The following MYCBP2 variants were observed in gnomAD, a reference collection of about 807,000 sequenced individuals.
MYCBP2 encodes MYC binding protein 2, also known as E3 ubiquitin-protein ligase MYCBP2.
A neutral mutation model predicts 525.3 loss-of-function variants in MYCBP2; 120 were observed. That is an observed-to-expected ratio of 0.23 (90% confidence interval 0.20 to 0.27). MYCBP2 has a LOEUF of 0.27. Ranked by LOEUF, MYCBP2 falls within the 10% of genes least tolerant of loss-of-function variation. The probability of loss-of-function intolerance (pLI) is 1.00; values close to 1 mark genes in which losing one functional copy is unlikely to be tolerated. For missense variants in MYCBP2, 4,149 were observed against 5,657.1 expected (o/e 0.73, Z 8.55); for synonymous variants, 1,894 against 1,955.8 (o/e 0.97, Z 0.83).
chr13:77,301,363 C>T (rs1018472610), intron 1 of MYCBP2, among the ~76,000 whole-genome samples: 5 of 143,926 alleles, frequency 3.5e-5, no homozygotes, highest in Non-Finnish European at 7.4e-5. Context: ...TTGTGACGAG[C>T]CAAGAGCCAA....
At chr13:77,322,858 C>T (rs1156966847) in intron 1 of MYCBP2, among the ~76,000 whole-genome samples, 3 of 152,178 alleles carry the variant, frequency 2.0e-5, no homozygotes, top group East Asian at 1.9e-4. Flanking sequence ...CTTTCCCCAA[C>T]AGAATGTTCC....
chr13:77,260,053 T>A (rs1411856673), intron 13 of MYCBP2, among the ~76,000 whole-genome samples: 1 of 152,132 alleles, frequency 6.6e-6, no homozygotes, highest in Non-Finnish European at 1.5e-5. Flanking sequence ...CCAAACACCC[T>A]AATGGGGGAG....
intron 74 of MYCBP2, 125 bp from the exon 75 acceptor site, chr13:77,061,915 G>A (rs2039367672): frequency 1.0e-6 from 1 of 998,378 alleles, no homozygotes; most frequent in African/African-American, 1.7e-5. Context: ...TTTAGAATCT[G>A]AATATTAAAC....
chr13:77,138,808 ATT>A, intron 52 of MYCBP2, among the ~76,000 whole-genome samples: 1 of 152,322 alleles, frequency 6.6e-6, no homozygotes, highest in East Asian at 1.9e-4. Flanking sequence ...CATAACATAC[ATT>A]TATACATGTT....
chr13:77,214,274 A>G (rs971366947), intron 21 of MYCBP2, among the ~76,000 whole-genome samples: 1 of 152,242 alleles, frequency 6.6e-6, no homozygotes, highest in Non-Finnish European at 1.5e-5. Context: ...ACAAAACTAC[A>G]TAGGCATTAA....
chr13:77,317,234 G>T (rs961344628), intron 1 of MYCBP2, among the ~76,000 whole-genome samples: 8 of 152,200 alleles, frequency 5.3e-5, no homozygotes, highest in Non-Finnish European at 1.0e-4. Flanking sequence ...TTACAGGCGT[G>T]AGCCATCGTG....
chr13:77,273,721 T>C, intron 4 of MYCBP2, 53 bp from the exon 5 acceptor site: 1 of 1,257,006 alleles, frequency 8.0e-7, no homozygotes, highest in South Asian at 2.5e-5. Context: ...GAACATTATA[T>C]GCGTATATTT....
chr13:77,095,757 T>A (rs549918323), intron 57 of MYCBP2, among the ~76,000 whole-genome samples, 155 bp from the exon 58 acceptor site: 2 of 152,314 alleles, frequency 1.3e-5, no homozygotes, highest in African/African-American at 4.8e-5. Context: ...TCATTTCATA[T>A]TCATCCTGGG....
chr13:77,117,996 A>C (rs1594697979), intron 55 of MYCBP2, among the ~76,000 whole-genome samples: 1 of 152,324 alleles, frequency 6.6e-6, no homozygotes, highest in South Asian at 2.1e-4. Context: ...AGAAAAAACA[A>C]ACAAACCTGT....
chr13:77,263,035 A>G (rs972080052), intron 10 of MYCBP2, among the ~76,000 whole-genome samples: 3 of 152,000 alleles, frequency 2.0e-5, no homozygotes, highest in African/African-American at 7.2e-5. Flanking sequence ...GCAAGCCAAA[A>G]CTAAAACTCT....
intron 79 of MYCBP2, among the ~76,000 whole-genome samples, chr13:77,056,100 GT>G (rs879823998): frequency 0.31 from 4,343 of 13,874 alleles, 179 homozygotes; most frequent in African/African-American, 0.42. Flanking sequence ...TCTGTGTTTG[GT>G]GTGTGTGTGT....
chr13:77,177,977 T>C (rs2059866523), intron 34 of MYCBP2, 23 bp from the exon 35 acceptor site: 1 of 1,418,268 alleles, frequency 7.1e-7, no homozygotes, highest in South Asian at 1.1e-5. Flanking sequence ...AAAGCAATTG[T>C]ATCAGTAGTT....
At chr13:77,199,708 C>A (rs1336079812) in intron 26 of MYCBP2, among the ~76,000 whole-genome samples, 2 of 152,252 alleles carry the variant, frequency 1.3e-5, no homozygotes, top group African/African-American at 2.4e-5. Flanking sequence ...AAAGGGCAGA[C>A]TGCCTCCTCA....
rs2063401900 is a variant in MYCBP2, at chr13:77,206,858, A to G, written c.3417-33T>C. On this transcript the variant is annotated intron_variant, in intron 23 of 82. Transcript: ENST00000544440. ...GAAAAAGAATAATTACAGCACCTCA[A>G]TGTGGTTTTGTTTTTAAAAAAAATT... 5.3e-6 allele frequency: 8 copies of G among 1,516,024 alleles called. No homozygotes were observed. The East Asian group carries it at 1.6e-4, about 31-fold the overall frequency. The allele number at this position is 1,516,024 out of a possible 1,614,324, so 93.9% of individuals were successfully genotyped here.
At chr13:77,325,067 A>G (rs1010198466) in intron 1 of MYCBP2, among the ~76,000 whole-genome samples, 2 of 152,248 alleles carry the variant, frequency 1.3e-5, no homozygotes, top group African/African-American at 4.8e-5. Flanking sequence ...CCATATGGTA[A>G]AACTACTGCT....
At chr13:77,072,790 G>A (rs1243101315) in intron 68 of MYCBP2, among the ~76,000 whole-genome samples, 2 of 152,136 alleles carry the variant, frequency 1.3e-5, no homozygotes, top group African/African-American at 4.8e-5. Context: ...AATTGCTTGA[G>A]TGTCAGAACT....
At chr13:77,089,973 T>C (rs1296100753) in intron 60 of MYCBP2, 133 bp downstream of exon 60, 1 of 725,220 alleles carries the variant, frequency 1.4e-6, no homozygotes, top group Non-Finnish European at 2.1e-6. Context: ...AGAAGGAATG[T>C]CAATCACACA....
rs755978554 is a variant in MYCBP2 at position 77,257,624 on chromosome 13, A to G, written c.2176+47T>C. On this transcript the variant is annotated intron_variant, in intron 14 of 82. Transcript: ENST00000544440. ...TTTCACTATGTTGTTCTGAAAAACT[A>G]ATGAAAAGACAACACAAATTTTAAT... 24 of 1,475,452 alleles carry G rather than the reference A, an allele frequency of 1.6e-5. No individual in the cohort carries two copies. The South Asian group carries it at 3.4e-4, about 21-fold the overall frequency. 91.4% of individuals were successfully genotyped at this position (1,475,452 alleles called of 1,614,324 possible).
intron 47 of MYCBP2, among the ~76,000 whole-genome samples, chr13:77,149,732 C>A (rs887294072): frequency 6.6e-6 from 1 of 152,142 alleles, no homozygotes; most frequent in African/African-American, 2.4e-5. Context: ...TGGACACAAG[C>A]TCAATATGTG....
Sources: gnomAD v4.1 joint callset for allele counts (sites outside exome capture counted in the v4.1 genomes callset) on GRCh38, gnomAD v4.1.1 for gene constraint, MANE v1.5 for transcripts, NCBI Gene and HGNC (gene_info 2026-07-23, HGNC 2026-07-21) for gene names.